Variants in USP14 observed in about 807,000 individuals in gnomAD.
USP14 encodes ubiquitin specific peptidase 14.
In USP14, 38 loss-of-function variants were observed where a neutral mutation model predicts 76.5. That is an observed-to-expected ratio of 0.50 (90% CI 0.38 to 0.65). The LOEUF is 0.65. Ranked by LOEUF, USP14 falls within the 30% of genes least tolerant of loss-of-function variation. The probability of loss-of-function intolerance (pLI) is 0.00; values close to 1 mark genes in which losing one functional copy is unlikely to be tolerated. For synonymous variants in USP14, 192 were observed against 191.7 expected, an observed-to-expected ratio of 1.00 and a Z score of -0.01; for missense variants, 467 against 586.5, an observed-to-expected ratio of 0.80 and a Z score of 2.10.
chr18:211,259 T>TA lies in USP14; in HGVS notation c.1462dup (p.Met488AsnfsTer6). Reference sequence around the variant, plus strand: ...CTCTATGGGCCTCGCAGAGTTGAAATAATGGAAGAGGAAAGTGAACAGTAA... The same window carrying TA: ...CTCTATGGGCCTCGCAGAGTTGAAATAAATGGAAGAGGAAAGTGAACAGTAA... On this transcript the variant is annotated frameshift_variant, in exon 16 of 16. Coordinates refer to ENST00000261601, the MANE Select transcript of USP14 (RefSeq NM_005151.4). LOFTEE classifies it high-confidence loss of function. The TA allele has an allele frequency of 6.2e-7, 1 of 1,611,342 alleles. No individual in the cohort carries two copies. The highest frequency in any genetic ancestry group is 2.2e-5 in the East Asian group (1 of 44,816).
Position 179,766 on chromosome 18 carries a change from AT to A in USP14, c.301-455del, listed in dbSNP as rs1277005564. Among the ~76,000 whole-genome samples, 163 of 135,786 alleles carry A rather than the reference AT, an allele frequency of 1.2e-3. 1 individual carries two copies. The highest frequency in any genetic ancestry group is 3.0e-3 in the African/African-American group (112 of 36,816). The allele number at this position is 135,786 out of a possible 152,430, so 89.1% of individuals were successfully genotyped here. A position where few individuals can be genotyped will look rare whatever the true frequency, so the allele number is the denominator to read the frequency against. On this transcript the variant is annotated intron_variant, in intron 4 of 15. Transcript: ENST00000261601. ...TCATGCCCAGCAAATAAAAAAAAAA[AT>A]TTTTTTTTTTTTTTGTAGAGATGGG... is the stretch of plus-strand genomic sequence containing the variant.
intron 3 of USP14, among the ~76,000 whole-genome samples, chr18:177,151 T>A (rs1424585564): frequency 6.6e-6 from 1 of 152,182 alleles, no homozygotes; most frequent in Non-Finnish European, 1.5e-5. Flanking sequence ...ATTACATTTT[T>A]CTTGTTATGC....
chr18:206,769 T>C (rs1008772745), intron 13 of USP14, among the ~76,000 whole-genome samples: 1 of 152,066 alleles, frequency 6.6e-6, no homozygotes, highest in African/African-American at 2.4e-5. Context: ...GGTATGGTGG[T>C]GCGGACCTAT....
chr18:209,854 T>G (rs1910623755), intron 13 of USP14, 117 bp from the exon 14 acceptor site: 1 of 675,298 alleles, frequency 1.5e-6, no homozygotes, highest in African/African-American at 1.9e-5. Context: ...GAAGGTAGAC[T>G]GTATTTTGTC....
At chr18:197,491 T>C in intron 7 of USP14, 125 bp from the exon 8 acceptor site, 2 of 671,602 alleles carry the variant, frequency 3.0e-6, no homozygotes, top group Non-Finnish European at 5.1e-6. Context: ...TCGTATGTCT[T>C]ATTTGGCTTA....
At chr18:204,114 G>C (rs1910460917) in intron 12 of USP14, among the ~76,000 whole-genome samples, 1 of 151,720 alleles carries the variant, frequency 6.6e-6, no homozygotes, top group South Asian at 2.1e-4. Context: ...GAAGTATCTA[G>C]TGTTGTATAC....
intron 13 of USP14, among the ~76,000 whole-genome samples, chr18:206,802 G>A (rs1363903607): frequency 6.6e-6 from 1 of 152,210 alleles, no homozygotes; most frequent in African/African-American, 2.4e-5. Context: ...TTGGGAGGCT[G>A]AGGCAGGAGA....
At chr18:195,594 G>T (rs1910209262) in intron 6 of USP14, among the ~76,000 whole-genome samples, 2 of 152,322 alleles carry the variant, frequency 1.3e-5, no homozygotes, top group South Asian at 4.1e-4. Context: ...GCTGCTGAGA[G>T]GGGTAAGTGG....
intron 1 of USP14, 47 bp from the exon 2 acceptor site, chr18:163,261 C>T (rs1191521766): frequency 6.5e-7 from 1 of 1,528,766 alleles, no homozygotes. Flanking sequence ...GTCTGTAAAT[C>T]TTGTCTTGTT....
intron 3 of USP14, among the ~76,000 whole-genome samples, chr18:167,928 T>C (rs1307458665): frequency 6.7e-6 from 1 of 149,064 alleles, no homozygotes; most frequent in Non-Finnish European, 1.5e-5. Context: ...CAATTGATTT[T>C]TCTCTCTTTT....
Position 177,657 on chromosome 18 carries a change from A to G in USP14, c.196-1276A>G, listed in dbSNP as rs570877710. ...TGTTTTTTTTTTTTTTTAAATCTCC[A>G]CTTCTGGTCCTACCTTTTACTTTGT... On this transcript the variant is annotated intron_variant, in intron 3 of 15. Coordinates refer to ENST00000261601, the MANE Select transcript of USP14 (RefSeq NM_005151.4). Among the ~76,000 whole-genome samples, 14 of 138,902 alleles carry G rather than the reference A, an allele frequency of 1.0e-4. No homozygotes were observed. The South Asian group carries it at 3.0e-3, about 29-fold the overall frequency. The allele number at this position is 138,902 out of a possible 152,430, so 91.1% of individuals were successfully genotyped here. A position where few individuals can be genotyped will look rare whatever the true frequency, so the allele number is the denominator to read the frequency against.
chr18:167,593 A>T (rs1191550849), intron 3 of USP14, among the ~76,000 whole-genome samples: 1 of 150,440 alleles, frequency 6.6e-6, no homozygotes, highest in African/African-American at 2.4e-5. Context: ...GCAGCTTTAA[A>T]CTCCCAGCCT....
At chr18:162,136 A>G (rs1422239589) in intron 1 of USP14, among the ~76,000 whole-genome samples, 2 of 152,170 alleles carry the variant, frequency 1.3e-5, no homozygotes, top group East Asian at 3.9e-4. Context: ...TTTGTCCATT[A>G]ATTGGTTGAT....
chr18:173,624 T>G (rs563886245), intron 3 of USP14, among the ~76,000 whole-genome samples: 138 of 151,946 alleles, frequency 9.1e-4, no homozygotes, highest in African/African-American at 3.3e-3. Flanking sequence ...CTGGTCTCCA[T>G]GTTGGTCAGG....
intron 1 of USP14, among the ~76,000 whole-genome samples, chr18:162,361 T>C (rs1909145344): frequency 6.6e-6 from 1 of 152,220 alleles, no homozygotes; most frequent in African/African-American, 2.4e-5. Context: ...ACACTTGTTA[T>C]TTTCTGTTAA....
chr18:182,949 T>C (rs1405618532), intron 5 of USP14, among the ~76,000 whole-genome samples: 2 of 152,152 alleles, frequency 1.3e-5, no homozygotes, highest in African/African-American at 4.8e-5. Context: ...GTGGACTTCG[T>C]GTTGTGGGCG....
chr18:190,841 T>C (rs745734301), intron 5 of USP14, among the ~76,000 whole-genome samples: 1 of 152,174 alleles, frequency 6.6e-6, no homozygotes, highest in African/African-American at 2.4e-5. Context: ...AGTTTTTCTT[T>C]ATAAACTTCA....
rs143084306 is a variant in USP14, at chr18:206,271, A to C, written c.1164+1579A>C. ...AGCCATTGGATAGGTTTATAGTGAT[A>C]CTGTGTTTTCCTTTGCACCTTCCTA... On this transcript the variant is annotated intron_variant, in intron 13 of 15. Transcript: ENST00000261601. 5.3e-3 allele frequency among the ~76,000 whole-genome samples: 812 copies of C among 152,332 alleles called. 8 individuals carry two copies. The highest frequency in any genetic ancestry group is 0.019 in the African/African-American group (771 of 41,568).
At chr18:174,705 A>G (rs1271143275) in intron 3 of USP14, among the ~76,000 whole-genome samples, 1 of 151,448 alleles carries the variant, frequency 6.6e-6, no homozygotes, top group Non-Finnish European at 1.5e-5. Context: ...CTGGGGCTCA[A>G]GGGGTTCTCC....
Sources: gnomAD v4.1 joint callset for allele counts (sites outside exome capture counted in the v4.1 genomes callset) on GRCh38, gnomAD v4.1.1 for gene constraint, MANE v1.5 for transcripts, NCBI Gene and HGNC (gene_info 2026-07-23, HGNC 2026-07-21) for gene names.